The following FRMD4A variants were observed in gnomAD, a reference collection of about 807,000 sequenced individuals.
FRMD4A encodes FERM domain containing 4A.
Under a neutral mutation model 129.1 loss-of-function variants are expected in FRMD4A, and 29 were observed. The observed-to-expected ratio is 0.22, with a 90% CI of 0.17 to 0.31. The LOEUF is 0.31. FRMD4A is among the 10% of genes least tolerant of loss of function. The pLI, the probability that FRMD4A is intolerant of heterozygous loss-of-function variation, is 1.00. For synonymous variants in FRMD4A, 634 were observed against 571.6 expected (o/e 1.11, Z -1.56); for missense variants, 1,272 against 1,375.8 (o/e 0.92, Z 1.19).
intron 2 of FRMD4A, among the ~76,000 whole-genome samples, chr10:14,189,300 G>A (rs906875470): frequency 5.9e-5 from 9 of 152,086 alleles, no homozygotes; most frequent in Non-Finnish European, 1.2e-4. Flanking sequence ...TGGGCCCGGC[G>A]CGGTTGCTCA....
chr10:14,270,784 G>C (rs138369524), intron 2 of FRMD4A, among the ~76,000 whole-genome samples: 2 of 152,066 alleles, frequency 1.3e-5, no homozygotes, highest in Non-Finnish European at 2.9e-5. Flanking sequence ...ACGTTCCCAC[G>C]GTACGTTTCG....
In FRMD4A at chr10:13,744,949, T is replaced by C. The variant is rs115240470; in HGVS notation, c.548+2787A>G. 6.6e-3 allele frequency among the ~76,000 whole-genome samples: 1,008 copies of C among 152,286 alleles called. 10 individuals are homozygous for C. Among genetic ancestry groups the C allele is most frequent in the African/African-American group, 0.021 (880 of 41,560 alleles). On this transcript the variant is annotated intron_variant, in intron 9 of 24. Transcript: ENST00000357447. ...TGCTTTTTAAAAATCTATGTATATA[T>C]AGGGATATGAAAATAGTTAGCTAGA...
intron 2 of FRMD4A, among the ~76,000 whole-genome samples, chr10:14,147,647 T>G (rs955745126): frequency 6.6e-6 from 1 of 152,048 alleles, no homozygotes; most frequent in African/African-American, 2.4e-5. Context: ...GCATGTGCAG[T>G]TCACAACAGG....
At chr10:13,820,873 A>G (rs2093619850) in intron 3 of FRMD4A, among the ~76,000 whole-genome samples, 1 of 152,242 alleles carries the variant, frequency 6.6e-6, no homozygotes, top group African/African-American at 2.4e-5. Context: ...GTGGGATGGC[A>G]GACAGGGGCT....
At chr10:14,321,982 C>T (rs1162458344) in intron 2 of FRMD4A, among the ~76,000 whole-genome samples, 2 of 152,156 alleles carry the variant, frequency 1.3e-5, no homozygotes, top group African/African-American at 2.4e-5. Context: ...TCCCACCATG[C>T]AAGATGTGCC....
intron 15 of FRMD4A, among the ~76,000 whole-genome samples, chr10:13,686,057 G>A (rs917946239): frequency 6.6e-6 from 1 of 152,074 alleles, no homozygotes; most frequent in Non-Finnish European, 1.5e-5. Context: ...AAGAGATTTC[G>A]CAGCTCTCCC....
intron 2 of FRMD4A, among the ~76,000 whole-genome samples, chr10:14,274,800 G>A (rs749541033): frequency 1.3e-5 from 2 of 152,100 alleles, no homozygotes; most frequent in Non-Finnish European, 2.9e-5. Flanking sequence ...GGTAGCACCC[G>A]GCAAGTCCCT....
chr10:13,733,466 G>C (rs141869013), intron 12 of FRMD4A, among the ~76,000 whole-genome samples: 2 of 151,724 alleles, frequency 1.3e-5, no homozygotes, highest in Non-Finnish European at 2.9e-5. Context: ...ATGGAGTCTC[G>C]CTCTGGAGTG....
intron 2 of FRMD4A, among the ~76,000 whole-genome samples, chr10:14,073,744 C>T (rs1451542257): frequency 6.6e-6 from 1 of 152,080 alleles, no homozygotes; most frequent in East Asian, 1.9e-4. Context: ...ACCCACTGGT[C>T]AAGATGAAAT....
intron 3 of FRMD4A, among the ~76,000 whole-genome samples, chr10:13,811,315 G>A (rs536792524): frequency 5.4e-4 from 81 of 149,408 alleles, no homozygotes; most frequent in Non-Finnish European, 9.8e-4. Flanking sequence ...TTGGTTTTAG[G>A]AAAGATGGGG....
At chr10:13,696,379 G>A (rs920839071) in intron 14 of FRMD4A, among the ~76,000 whole-genome samples, 3 of 152,210 alleles carry the variant, frequency 2.0e-5, no homozygotes, top group Admixed American at 6.5e-5. Context: ...AAACGGTGAT[G>A]TAACAATAAC....
chr10:14,174,936 C>T lies in FRMD4A; in HGVS notation c.45+155122G>A, dbSNP rs201076624. Among the ~76,000 whole-genome samples, 40 of 150,698 alleles carry T rather than the reference C, an allele frequency of 2.7e-4. No homozygotes were observed. The East Asian group carries it at 6.8e-3, about 26-fold the overall frequency. On this transcript the variant is annotated intron_variant, in intron 2 of 24. Transcript: ENST00000357447. ...GTGTGTGTGGACGCGCGCGTACGGG[C>T]ACACTGTCCAGGAGTCCAAATAAAT...
chr10:14,064,225 C>T (rs572224965), intron 2 of FRMD4A, among the ~76,000 whole-genome samples: 16 of 152,320 alleles, frequency 1.1e-4, no homozygotes, highest in African/African-American at 3.8e-4. Flanking sequence ...TACTGAGGTC[C>T]TGAAAATAGG....
chr10:14,094,000 A>G (rs1564284554), intron 2 of FRMD4A, among the ~76,000 whole-genome samples: 1 of 152,254 alleles, frequency 6.6e-6, no homozygotes, highest in Non-Finnish European at 1.5e-5. Flanking sequence ...TCAAATGATA[A>G]TGGAGCAGGA....
intron 2 of FRMD4A, among the ~76,000 whole-genome samples, chr10:13,980,719 G>A (rs114241238): frequency 7.6e-4 from 116 of 152,184 alleles, no homozygotes; most frequent in African/African-American, 2.1e-3. Flanking sequence ...GACCCTGTCC[G>A]TAAAAATCAA....
chr10:14,128,412 T>A (rs916189592), intron 2 of FRMD4A, among the ~76,000 whole-genome samples: 1 of 152,162 alleles, frequency 6.6e-6, no homozygotes, highest in African/African-American at 2.4e-5. Flanking sequence ...CATATTTTGC[T>A]TTCTGGTTAC....
intron 2 of FRMD4A, among the ~76,000 whole-genome samples, chr10:14,001,924 T>A (rs148256007): frequency 6.6e-6 from 1 of 152,338 alleles, no homozygotes; most frequent in East Asian, 1.9e-4. Flanking sequence ...CACACTTCCC[T>A]GCATGAATAC....
intron 2 of FRMD4A, among the ~76,000 whole-genome samples, chr10:13,968,308 G>C (rs780672005): frequency 2.0e-5 from 3 of 152,188 alleles, no homozygotes; most frequent in Non-Finnish European, 4.4e-5. Context: ...CTACAAAAAA[G>C]TACTGCTTAA....
intron 2 of FRMD4A, among the ~76,000 whole-genome samples, chr10:13,967,171 C>T (rs191630789): frequency 6.6e-6 from 1 of 152,292 alleles, no homozygotes; most frequent in East Asian, 1.9e-4. Context: ...CCTGTCTCTA[C>T]TAAAAATACA....
Sources: allele counts gnomAD v4.1 joint callset (sites outside exome capture counted in the v4.1 genomes callset), GRCh38; gene constraint gnomAD v4.1.1; transcripts MANE v1.5; gene names NCBI Gene and HGNC (gene_info 2026-07-23, HGNC 2026-07-21).